The following CCNY variants were observed in gnomAD, a reference collection of about 807,000 sequenced individuals.
CCNY encodes cyclin Y, also known as cyclin-Y.
In CCNY, 19 loss-of-function variants were observed where a neutral mutation model predicts 42.8. That is an observed-to-expected ratio of 0.44 (90% CI 0.31 to 0.65). The LOEUF (loss-of-function observed/expected upper bound fraction) is 0.65, where lower values mean the gene tolerates loss of function less well. Ranked by LOEUF, CCNY falls within the 30% of genes least tolerant of loss-of-function variation. The probability of loss-of-function intolerance (pLI) is 0.07; values close to 1 mark genes in which losing one functional copy is unlikely to be tolerated. For synonymous variants in CCNY, 165 were observed against 162.7 expected, an observed-to-expected ratio of 1.01 and a Z score of -0.11; for missense variants, 370 against 437.3, an observed-to-expected ratio of 0.85 and a Z score of 1.37.
chr10:35,473,399 G>T (rs1188372133), intron 1 of CCNY, among the ~76,000 whole-genome samples: 1 of 152,262 alleles, frequency 6.6e-6, no homozygotes, highest in African/African-American at 2.4e-5. Context: ...AATTTTATAA[G>T]TTCTTCTTCT....
intron 1 of CCNY, among the ~76,000 whole-genome samples, chr10:35,463,212 C>T (rs1839191903): frequency 1.3e-5 from 2 of 152,174 alleles, no homozygotes; most frequent in African/African-American, 4.8e-5. Flanking sequence ...TTATCTGGTT[C>T]TCCTTATTCA....
At chr10:35,526,887 A>G (rs963319661) in intron 5 of CCNY, among the ~76,000 whole-genome samples, 3 of 152,230 alleles carry the variant, frequency 2.0e-5, no homozygotes, top group Non-Finnish European at 2.9e-5. Context: ...ACATTCATGT[A>G]TGTTACACGA....
At chr10:35,501,466 A>G in intron 2 of CCNY, 35 bp from the exon 3 acceptor site, 3 of 1,606,140 alleles carry the variant, frequency 1.9e-6, no homozygotes, top group Non-Finnish European at 2.6e-6. Context: ...GCATGCAGGC[A>G]TATAACATTT....
At position 35,530,056 on chromosome 10, in the gene CCNY, G is replaced by A; in HGVS notation, c.459+26G>A. 6.2e-7 allele frequency: 1 copy of A among 1,614,058 alleles called. No individual in the cohort carries two copies. The highest frequency in any genetic ancestry group is 8.5e-7 in the Non-Finnish European group (1 of 1,179,932). On this transcript the variant is annotated intron_variant, in intron 6 of 9. Coordinates refer to ENST00000374704, the MANE Select transcript of CCNY (RefSeq NM_145012.6). This position sits in a 1 kb window ranked among gnomAD's most constrained non-coding sequence, Gnocchi z 4.3. ...GTAATCTCCTCCGTGTGTTTCATGA[G>A]ATGATTTAATTATTTCTCTTTTGCT...
chr10:35,471,250 ATGCGAGGGGCT>A (rs1839386023), intron 1 of CCNY, among the ~76,000 whole-genome samples: 1 of 151,884 alleles, frequency 6.6e-6, no homozygotes, highest in East Asian at 1.9e-4. Context: ...AGAAAGGGGG[ATGCGAGGGGCT>A]TGCGAGGGGG....
Position 35,345,682 on chromosome 10 carries a change from G to T in CCNY, c.154+8475G>T, listed in dbSNP as rs115469285. On this transcript the variant is annotated intron_variant, in intron 1 of 9. Transcript: ENST00000374704. The stretch of plus-strand genomic sequence containing the variant: ...CTGTCCATAGTTGGAGAAGCTGGAA[G>T]CCTAAAGAGCTTATCCTAACAAAGA... Among the ~76,000 whole-genome samples the T allele has an allele frequency of 6.8e-3, 1,029 of 152,298 alleles. 11 individuals are homozygous for T. Among genetic ancestry groups the T allele is most frequent in the African/African-American group, 0.024 (983 of 41,558 alleles).
chr10:35,315,785 C>T (rs1243877517), intron 3 of CCNY, among the ~76,000 whole-genome samples: 2 of 152,072 alleles, frequency 1.3e-5, no homozygotes, highest in African/African-American at 2.4e-5. Flanking sequence ...TTAGTAATAG[C>T]CATTTTGACT....
rs116738105 is a variant in CCNY, at chr10:35,397,594, C to T, written c.154+60387C>T. ...TTGGCGGTGGGAGAGAATAACACTTCTTCTAAGGTCAGGTCAGCCTTGTAT... is the reference window on the plus strand; with the variant it reads ...TTGGCGGTGGGAGAGAATAACACTTTTTCTAAGGTCAGGTCAGCCTTGTAT... On this transcript the variant is annotated intron_variant, in intron 1 of 9. Coordinates refer to ENST00000374704, the MANE Select transcript of CCNY (RefSeq NM_145012.6). Among the ~76,000 whole-genome samples the T allele has an allele frequency of 3.3e-3, 508 of 152,198 alleles. 4 individuals carry two copies. The highest frequency in any genetic ancestry group is 0.012 in the African/African-American group (478 of 41,506).
chr10:35,247,875 C>CAAAAAAAAA (rs56166117), intron 1 of CCNY, among the ~76,000 whole-genome samples: 11 of 58,166 alleles, frequency 1.9e-4, no homozygotes, highest in Non-Finnish European at 2.7e-4. Flanking sequence ...GACTCCATCT[C>CAAAAAAAAA]AAAAAAAAAA....
chr10:35,465,225 A>C (rs1839232611), intron 1 of CCNY, among the ~76,000 whole-genome samples: 1 of 152,076 alleles, frequency 6.6e-6, no homozygotes, highest in Non-Finnish European at 1.5e-5. Flanking sequence ...TGGTAGGGCG[A>C]GTACTGTTCG....
chr10:35,443,253 C>T (rs1351081738), intron 1 of CCNY, among the ~76,000 whole-genome samples: 1 of 152,102 alleles, frequency 6.6e-6, no homozygotes, highest in East Asian at 1.9e-4. Flanking sequence ...AAATATTTTT[C>T]TTCACTAATA....
intron 1 of CCNY, among the ~76,000 whole-genome samples, chr10:35,480,772 G>T (rs1839649580): frequency 6.6e-6 from 1 of 152,096 alleles, no homozygotes; most frequent in African/African-American, 2.4e-5. Context: ...CTTGAGACCA[G>T]CCTGGGCAAC....
intron 8 of CCNY, among the ~76,000 whole-genome samples, chr10:35,558,680 G>A (rs1186943952): frequency 1.3e-5 from 2 of 152,202 alleles, no homozygotes; most frequent in Non-Finnish European, 2.9e-5. Context: ...AAGAGATTAG[G>A]ACACAGACAA....
At chr10:35,564,824 G>A (rs1349917519) in intron 8 of CCNY, among the ~76,000 whole-genome samples, 1 of 152,214 alleles carries the variant, frequency 6.6e-6, no homozygotes, top group Non-Finnish European at 1.5e-5. Flanking sequence ...CACTGCTGTG[G>A]GAAGCCTTCT....
At chr10:35,535,325 A>G (rs1840862771) in intron 7 of CCNY, among the ~76,000 whole-genome samples, 1 of 152,050 alleles carries the variant, frequency 6.6e-6, no homozygotes. Flanking sequence ...GATAACCTCA[A>G]GGAGCACGGC....
chr10:35,288,412 A>G (rs1835377948), intron 3 of CCNY, among the ~76,000 whole-genome samples: 1 of 152,058 alleles, frequency 6.6e-6, no homozygotes, highest in Non-Finnish European at 1.5e-5. Context: ...CTAGAAATGA[A>G]TAATTTGTCA....
intron 1 of CCNY, among the ~76,000 whole-genome samples, chr10:35,465,046 ATTCT>A (rs1484278198): frequency 6.6e-6 from 1 of 151,916 alleles, no homozygotes; most frequent in Non-Finnish European, 1.5e-5. Flanking sequence ...TTGCTAGGAG[ATTCT>A]TTCTTTGAGT....
chr10:35,258,422 G>C (rs1191736920), intron 3 of CCNY, among the ~76,000 whole-genome samples: 1 of 152,130 alleles, frequency 6.6e-6, no homozygotes, highest in Non-Finnish European at 1.5e-5. Flanking sequence ...TCCCAAGGGG[G>C]AAAGAAAGAA....
At chr10:35,372,695 C>T (rs889253795) in intron 1 of CCNY, among the ~76,000 whole-genome samples, 14 of 152,180 alleles carry the variant, frequency 9.2e-5, no homozygotes, top group African/African-American at 3.4e-4. Context: ...AGAGCTACTG[C>T]TTACAGTTGT....
Sources: gnomAD v4.1 joint callset for allele counts (sites outside exome capture counted in the v4.1 genomes callset) on GRCh38, gnomAD v4.1.1 for gene constraint, Gnocchi (gnomAD v3.1) non-coding constraint, MANE v1.5 for transcripts, NCBI Gene and HGNC (gene_info 2026-07-23, HGNC 2026-07-21) for gene names.